Variants in DDAH1 observed in about 807,000 individuals in gnomAD.
DDAH1 encodes N(G),N(G)-dimethylarginine dimethylaminohydrolase 1.
Under a neutral mutation model 28.8 loss-of-function variants are expected in DDAH1, and 19 were observed. The ratio of observed to expected loss-of-function variants is 0.66; its 90% CI spans 0.46 to 0.97. DDAH1 has a LOEUF of 0.97. DDAH1 is among the 50% of genes least tolerant of loss of function. The pLI is 0.00. For synonymous variants in DDAH1, 153 were observed against 154.4 expected (o/e 0.99, Z 0.07); for missense variants, 326 against 375.9 (o/e 0.87, Z 1.10).
At chr1:85,324,640 A>G (rs1647252131) in intron 5 of DDAH1, 100 bp downstream of exon 5, 2 of 1,280,606 alleles carry the variant, frequency 1.6e-6, no homozygotes, top group Admixed American at 4.3e-5. Context: ...ATTGTTTGAT[A>G]TGTATACAGG....
In DDAH1 at chr1:85,464,663, A is replaced by C; in HGVS notation, c.303+80T>G. On this transcript the variant is annotated intron_variant, in intron 1 of 5. Coordinates refer to ENST00000284031, the MANE Select transcript of DDAH1 (RefSeq NM_012137.4). This position sits in a 1 kb window ranked among gnomAD's most constrained non-coding sequence, Gnocchi z 4.4. ...TACTAGCCCGAGGGCCAATGGCGCG[A>C]CTCCCCAGGCAACACGGCGGCCGGC... 6.9e-7 allele frequency: 1 copy of C among 1,450,142 alleles called. No homozygotes were observed. The highest frequency in any genetic ancestry group is 2.5e-5 in the Admixed American group (1 of 40,736). The allele number at this position is 1,450,142 out of a possible 1,614,324, so 89.8% of individuals were successfully genotyped here.
intron 1 of DDAH1, among the ~76,000 whole-genome samples, chr1:85,406,581 T>G (rs1316205836): frequency 1.3e-5 from 2 of 152,104 alleles, no homozygotes; most frequent in African/African-American, 4.8e-5. Flanking sequence ...AATTTTTTAA[T>G]TAACAAAAAT....
intron 1 of DDAH1, among the ~76,000 whole-genome samples, chr1:85,405,772 A>C (rs1652374400): frequency 6.6e-6 from 1 of 152,172 alleles, no homozygotes; most frequent in South Asian, 2.1e-4. Context: ...AAGAATCACA[A>C]ATGTTTTGTT....
intron 1 of DDAH1, among the ~76,000 whole-genome samples, chr1:85,526,981 A>C (rs1245583501): frequency 6.6e-6 from 1 of 152,210 alleles, no homozygotes; most frequent in African/African-American, 2.4e-5. Context: ...GCAGCTAATA[A>C]GTGTTCCAGG....
At chr1:85,358,955 ACATCCACACT>A (rs1187505028) in intron 1 of DDAH1, 108 bp from the exon 2 acceptor site, 24 of 705,666 alleles carry the variant, frequency 3.4e-5, no homozygotes, top group African/African-American at 3.4e-4. Context: ...ACACCCACAC[ACATCCACACT>A]CATATACACA....
At chr1:85,391,422 A>G (rs1288156339) in intron 1 of DDAH1, among the ~76,000 whole-genome samples, 1 of 152,154 alleles carries the variant, frequency 6.6e-6, no homozygotes, top group Non-Finnish European at 1.5e-5. Flanking sequence ...AGTTACGATT[A>G]TGTCACTGCA....
chr1:85,402,691 C>T (rs1652171754), intron 1 of DDAH1, among the ~76,000 whole-genome samples: 3 of 151,956 alleles, frequency 2.0e-5, no homozygotes, highest in South Asian at 4.1e-4. Context: ...CGGTGGATCA[C>T]GAGGTCAGGA....
chr1:85,368,924 T>C (rs980974345), intron 1 of DDAH1, among the ~76,000 whole-genome samples: 2 of 152,144 alleles, frequency 1.3e-5, no homozygotes, highest in South Asian at 4.1e-4. Flanking sequence ...GTATGTTCAG[T>C]ATACAATTTA....
intron 1 of DDAH1, among the ~76,000 whole-genome samples, chr1:85,554,301 T>C (rs995305913): frequency 4.6e-5 from 6 of 131,286 alleles, no homozygotes; most frequent in African/African-American, 1.7e-4. Flanking sequence ...TTTTTTTTAA[T>C]CTCTAAAGCA....
intron 2 of DDAH1, among the ~76,000 whole-genome samples, chr1:85,473,372 T>C (rs1181459129): frequency 2.0e-5 from 3 of 152,158 alleles, no homozygotes; most frequent in South Asian, 2.1e-4. Flanking sequence ...TATATATTTA[T>C]GGGGAAGAAA....
At chr1:85,384,505 C>T (rs978171501) in intron 1 of DDAH1, among the ~76,000 whole-genome samples, 4 of 152,152 alleles carry the variant, frequency 2.6e-5, no homozygotes, top group Admixed American at 2.0e-4. Context: ...CATTTGTTTC[C>T]CTTCCCTCAG....
intron 1 of DDAH1, among the ~76,000 whole-genome samples, chr1:85,385,014 G>A (rs1329950325): frequency 6.6e-6 from 1 of 152,208 alleles, no homozygotes; most frequent in African/African-American, 2.4e-5. Context: ...TCTCTGGACT[G>A]TATTTGGAAG....
Position 85,464,717 on chromosome 1 carries a change from G to A in DDAH1, c.303+26C>T, listed in dbSNP as rs1353888105. ...GGGGGAGGGCCTGGCGCGCGCCCCG[G>A]CCGCGCCCCTCGAGTCGGCAGTTAC... On this transcript the variant is annotated intron_variant, in intron 1 of 5. Coordinates refer to ENST00000284031, the MANE Select transcript of DDAH1 (RefSeq NM_012137.4). This position sits in a 1 kb window ranked among gnomAD's most constrained non-coding sequence, Gnocchi z 4.4. 6 of 1,452,684 alleles carry A rather than the reference G, an allele frequency of 4.1e-6. No homozygotes were observed. The highest frequency in any genetic ancestry group is 5.4e-6 in the Non-Finnish European group (6 of 1,111,626). 90.0% of individuals were successfully genotyped at this position (1,452,684 alleles called of 1,614,324 possible).
At chr1:85,477,048 T>G (rs1201477904) in intron 2 of DDAH1, among the ~76,000 whole-genome samples, 3 of 152,022 alleles carry the variant, frequency 2.0e-5, no homozygotes, top group African/African-American at 7.2e-5. Context: ...ATCCCATATG[T>G]CTGGGGGAAT....
At chr1:85,526,146 G>C (rs1657864575) in intron 1 of DDAH1, among the ~76,000 whole-genome samples, 1 of 152,164 alleles carries the variant, frequency 6.6e-6, no homozygotes, top group Non-Finnish European at 1.5e-5. Flanking sequence ...TAAGTGTCCT[G>C]TATGTGCTAC....
At chr1:85,360,419 C>T (rs1467838516) in intron 1 of DDAH1, among the ~76,000 whole-genome samples, 1 of 152,152 alleles carries the variant, frequency 6.6e-6, no homozygotes, top group Admixed American at 6.5e-5. Flanking sequence ...GTTGCTACAG[C>T]ATAAAATAAG....
chr1:85,375,831 G>GAAAC (rs1289904767), intron 1 of DDAH1, among the ~76,000 whole-genome samples: 1 of 152,036 alleles, frequency 6.6e-6, no homozygotes, highest in Non-Finnish European at 1.5e-5. Context: ...AACCTTAAGG[G>GAAAC]AAACACGTAT....
intron 2 of DDAH1, among the ~76,000 whole-genome samples, chr1:85,354,970 A>C (rs1041730935): frequency 1.1e-4 from 16 of 152,108 alleles, no homozygotes; most frequent in Admixed American, 1.0e-3. Context: ...GAAAGAGTTC[A>C]ACCAAGCCAA....
chr1:85,386,013 C>T (rs1174800695), intron 1 of DDAH1, among the ~76,000 whole-genome samples: 1 of 152,074 alleles, frequency 6.6e-6, no homozygotes, highest in East Asian at 1.9e-4. Context: ...TCACCCATTA[C>T]CAGGAGGATG....
Sources: gnomAD v4.1 joint callset for allele counts (sites outside exome capture counted in the v4.1 genomes callset) on GRCh38, gnomAD v4.1.1 for gene constraint, Gnocchi (gnomAD v3.1) non-coding constraint, MANE v1.5 for transcripts, NCBI Gene and HGNC (gene_info 2026-07-23, HGNC 2026-07-21) for gene names.